BAG4: variants seen among roughly 807,000 people sequenced by gnomAD.
The protein encoded by BAG4 is BAG family molecular chaperone regulator 4.
A neutral mutation model predicts 52.1 loss-of-function variants in BAG4; 28 were observed. The ratio of observed to expected loss-of-function variants is 0.54; its 90% CI spans 0.40 to 0.74. BAG4 has a LOEUF of 0.74. Ranked by LOEUF, BAG4 falls within the 30% of genes least tolerant of loss-of-function variation. The probability of loss-of-function intolerance (pLI) is 0.00; values close to 1 mark genes in which losing one functional copy is unlikely to be tolerated. For missense variants in BAG4, 525 were observed against 572.0 expected (o/e 0.92, Z 0.84); for synonymous variants, 208 against 217.0 (o/e 0.96, Z 0.37).
chr8:38,182,026 G>C (rs186512164), intron 1 of BAG4, among the ~76,000 whole-genome samples: 4 of 151,896 alleles, frequency 2.6e-5, no homozygotes, highest in African/African-American at 4.8e-5. Flanking sequence ...GTCTCCTTTC[G>C]TGGTGGAGTA....
intron 1 of BAG4, among the ~76,000 whole-genome samples, chr8:38,190,977 C>G (rs188914374): frequency 1.3e-5 from 2 of 152,070 alleles, no homozygotes; most frequent in African/African-American, 4.8e-5. Flanking sequence ...AGGCTGGTCT[C>G]GAACTCCTGA....
intron 1 of BAG4, among the ~76,000 whole-genome samples, chr8:38,184,373 G>T (rs1176672558): frequency 1.4e-4 from 21 of 152,112 alleles, no homozygotes; most frequent in Admixed American, 1.3e-3. Context: ...AGGCTGAGGT[G>T]GGAGGATCAC....
rs1211271268 is a variant in BAG4 at position 38,201,835 on chromosome 8, TA to T, written c.379-5676del. The stretch of plus-strand genomic sequence containing the variant: ...ATGCATTTATTCTGAGTGTGGAATT[TA>T]TATATATATATATATATATATATAT... On this transcript the variant is annotated intron_variant, in intron 2 of 4. Coordinates refer to ENST00000287322, the MANE Select transcript of BAG4 (RefSeq NM_004874.4). The T allele has an allele frequency of 1.0e-3, 9 of 9,018 alleles. No homozygotes were observed. The East Asian group carries it at 0.013, about 13-fold the overall frequency. 0.6% of individuals were successfully genotyped at this position (9,018 alleles called of 1,614,324 possible). A position where few individuals can be genotyped will look rare whatever the true frequency, so the allele number is the denominator to read the frequency against.
intron 4 of BAG4, 77 bp from the exon 5 acceptor site, chr8:38,209,931 A>T: frequency 6.5e-7 from 1 of 1,530,142 alleles, no homozygotes. Context: ...CAAGTGAAAG[A>T]TGTGGGCTAA....
chr8:38,181,405 G>GT (rs1803269128), intron 1 of BAG4, among the ~76,000 whole-genome samples: 1 of 151,012 alleles, frequency 6.6e-6, no homozygotes, highest in Admixed American at 6.6e-5. Flanking sequence ...GACTACTTTT[G>GT]TATTTTTGGT....
At chr8:38,192,883 AGT>A (rs1803499202) in intron 2 of BAG4, 88 bp downstream of exon 2, 6 of 976,750 alleles carry the variant, frequency 6.1e-6, no homozygotes, top group East Asian at 2.6e-5. Context: ...AGCAGTGATG[AGT>A]GTGTGTTTTT....
At chr8:38,189,220 C>G (rs1803427257) in intron 1 of BAG4, among the ~76,000 whole-genome samples, 1 of 152,158 alleles carries the variant, frequency 6.6e-6, no homozygotes, top group African/African-American at 2.4e-5. Context: ...GTTGGGATTA[C>G]AGACGTAAGC....
In BAG4 at chr8:38,210,970, CTTCTG is replaced by C. The variant is rs1320149313; in HGVS notation, c.*480_*484del. The C allele has an allele frequency of 5.9e-5, 9 of 153,468 alleles. No individual in the cohort carries two copies. The highest frequency in any genetic ancestry group is 7.3e-5 in the Non-Finnish European group (5 of 68,760). The allele number at this position is 153,468 out of a possible 1,614,324, so 9.5% of individuals were successfully genotyped here. On this transcript the variant is annotated 3_prime_UTR_variant, in exon 5 of 5. Coordinates refer to ENST00000287322, the MANE Select transcript of BAG4 (RefSeq NM_004874.4). The stretch of plus-strand genomic sequence containing the variant: ...TAGCTTAGACTTTAGCCTTCTTGGA[CTTCTG>C]TTTTGTTTTGTTATTTGCAGTTTAC...
chr8:38,213,290 T>G lies in BAG4; in HGVS notation c.*2797T>G, dbSNP rs1345699821. On this transcript the variant is annotated 3_prime_UTR_variant, in exon 5 of 5. Transcript: ENST00000287322. ...TGAATAAAGTTACCCAGTCCTGGCA[T>G]GATAAACACAACTATGTTTTTTTTT... 1.1e-4 allele frequency: 16 copies of G among 151,956 alleles called. No individual in the cohort carries two copies. The highest frequency in any genetic ancestry group is 1.0e-3 in the Admixed American group (16 of 15,250). 9.4% of individuals were successfully genotyped at this position (151,956 alleles called of 1,614,324 possible). A position where few individuals can be genotyped will look rare whatever the true frequency, so the allele number is the denominator to read the frequency against.
At chr8:38,195,851 T>C (rs1483240249) in intron 2 of BAG4, among the ~76,000 whole-genome samples, 1 of 152,212 alleles carries the variant, frequency 6.6e-6, no homozygotes, top group Admixed American at 6.5e-5. Context: ...CCATTATCAC[T>C]GTCTAATTCT....
chr8:38,207,437 G>C, intron 2 of BAG4, 75 bp from the exon 3 acceptor site: 1 of 1,493,424 alleles, frequency 6.7e-7, no homozygotes, highest in Non-Finnish European at 9.1e-7. Context: ...AAGTTTTCAA[G>C]TTTAGGCATT....
chr8:38,209,833 A>C (rs190403169), intron 4 of BAG4, among the ~76,000 whole-genome samples, 175 bp from the exon 5 acceptor site: 156 of 152,274 alleles, frequency 1.0e-3, no homozygotes, highest in African/African-American at 3.5e-3. Context: ...ACTCCCTTTT[A>C]TCTTCTTAGG....
intron 1 of BAG4, among the ~76,000 whole-genome samples, chr8:38,188,995 G>A (rs574437071): frequency 1.3e-5 from 2 of 148,240 alleles, no homozygotes. Context: ...GTCTCACCCT[G>A]TTGCCCAGGC....
intron 1 of BAG4, among the ~76,000 whole-genome samples, chr8:38,182,847 C>T (rs1204764798): frequency 6.6e-6 from 1 of 151,724 alleles, no homozygotes; most frequent in East Asian, 1.9e-4. Context: ...TTCCTTAAGA[C>T]AATAAAATTA....
At chr8:38,197,744 G>A (rs973470010) in intron 2 of BAG4, among the ~76,000 whole-genome samples, 1 of 152,146 alleles carries the variant, frequency 6.6e-6, no homozygotes, top group Admixed American at 6.5e-5. Context: ...CTGTCCCCCA[G>A]ACTGGGGTGC....
At chr8:38,181,190 C>T (rs1803262577) in intron 1 of BAG4, among the ~76,000 whole-genome samples, 2 of 151,176 alleles carry the variant, frequency 1.3e-5, no homozygotes, top group Admixed American at 6.6e-5. Flanking sequence ...ATCCGCCCGC[C>T]TTGGCTGGGA....
chr8:38,208,572 A>G (rs1476780112), intron 3 of BAG4, among the ~76,000 whole-genome samples: 2 of 151,812 alleles, frequency 1.3e-5, no homozygotes, highest in African/African-American at 4.8e-5. Context: ...CAGCCTCCCA[A>G]AGTGCTGGGA....
chr8:38,199,525 T>TC (rs940562749), intron 2 of BAG4, among the ~76,000 whole-genome samples: 3 of 144,308 alleles, frequency 2.1e-5, no homozygotes, highest in African/African-American at 7.6e-5. Context: ...TCCTGTGATT[T>TC]CTTTTTTTTT....
At chr8:38,183,070 A>T (rs1242745238) in intron 1 of BAG4, among the ~76,000 whole-genome samples, 2 of 120,794 alleles carry the variant, frequency 1.7e-5, no homozygotes, top group African/African-American at 3.2e-5. Flanking sequence ...TTTTAGACAG[A>T]GTCTCTCTTT....
Sources: gnomAD v4.1 joint callset for allele counts (sites outside exome capture counted in the v4.1 genomes callset) on GRCh38, gnomAD v4.1.1 for gene constraint, MANE v1.5 for transcripts, NCBI Gene and HGNC (gene_info 2026-07-23, HGNC 2026-07-21) for gene names.